Variants in WWC1 observed in about 807,000 individuals in gnomAD.
WWC1 encodes protein KIBRA.
Under a neutral mutation model 138.4 loss-of-function variants are expected in WWC1, and 55 were observed. That is an observed-to-expected ratio of 0.40 (90% CI 0.32 to 0.50). The LOEUF (loss-of-function observed/expected upper bound fraction) is 0.50, where lower values mean the gene tolerates loss of function less well. Among genes scored for constraint, WWC1 ranks in the 20% least tolerant of loss-of-function variants. WWC1 has a pLI of 0.72. For synonymous variants in WWC1, 524 were observed against 564.9 expected, an observed-to-expected ratio of 0.93 and a Z score of 1.03; for missense variants, 1,226 against 1,420.4, an observed-to-expected ratio of 0.86 and a Z score of 2.20.
chr5:168,346,906 G>A (rs1774521744), intron 1 of WWC1, among the ~76,000 whole-genome samples: 1 of 152,262 alleles, frequency 6.6e-6, no homozygotes, highest in East Asian at 1.9e-4. Flanking sequence ...CTGATGTTGG[G>A]GCACTGGACA....
In WWC1 at chr5:168,386,806, C is replaced by T. The variant is rs193116543; in HGVS notation, c.433+1392C>T. Reference sequence around the variant, plus strand: ...TTGAGATTACAAGCGTGAGCCACCACGTCCAGCTAAGTTTTGTATTTTTAG... The same window carrying T: ...TTGAGATTACAAGCGTGAGCCACCATGTCCAGCTAAGTTTTGTATTTTTAG... On this transcript the variant is annotated intron_variant, in intron 3 of 22. Transcript: ENST00000265293. Among the ~76,000 whole-genome samples the T allele has an allele frequency of 4.6e-5, 7 of 152,192 alleles. No homozygotes were observed. In the East Asian group the frequency reaches 1.2e-3, roughly 25 times the overall value.
intron 2 of WWC1, among the ~76,000 whole-genome samples, chr5:168,380,966 G>A (rs79806662): frequency 1.9e-3 from 285 of 152,212 alleles, no homozygotes; most frequent in African/African-American, 6.5e-3. Flanking sequence ...GTGAGTAGAG[G>A]AAATTGCCTG....
Position 168,428,114 on chromosome 5 carries a change from G to A in WWC1, c.1892G>A (p.Ser631Asn), listed in dbSNP as rs1399488931. 2 of 1,613,610 alleles carry A rather than the reference G, an allele frequency of 1.2e-6. No homozygotes were observed. The highest frequency in any genetic ancestry group is 1.7e-5 in the Admixed American group (1 of 60,002). The change falls in exon 12 of 23, where the codon AGT (serine) becomes AAT (asparagine). Residue 631 changes from serine (S) to asparagine (N), a missense_variant. Ser to Asn is a conservative substitution (Grantham distance 46). Around this residue, in one of 3 missense-constraint regions of WWC1, gnomAD observed 1,016 missense variants for 1,153.9 expected, o/e 0.88. Coordinates refer to ENST00000265293, the MANE Select transcript of WWC1 (RefSeq NM_015238.3). ...AVSDESVAGD[S>N]GVYEASVQRL... ...TCGGACGAGTCAGTGGCTGGAGACA[G>A]TGGTGTGTACGAGGCTTCCGTGCAG...
chr5:168,428,174 C>A lies in WWC1; in HGVS notation c.1919+33C>A, dbSNP rs183555513. On this transcript the variant is annotated intron_variant, in intron 12 of 22. Coordinates refer to ENST00000265293, the MANE Select transcript of WWC1 (RefSeq NM_015238.3). Reference sequence around the variant, plus strand: ...TCTGGGTGCTGGCTCTCTCTGTGGCCCTGTAAGCCATGAACTCTGAATATC... The same window carrying A: ...TCTGGGTGCTGGCTCTCTCTGTGGCACTGTAAGCCATGAACTCTGAATATC... 14 of 1,594,416 alleles carry A rather than the reference C, an allele frequency of 8.8e-6. No individual in the cohort carries two copies. The African/African-American group carries it at 1.9e-4, about 21-fold the overall frequency.
intron 17 of WWC1, among the ~76,000 whole-genome samples, chr5:168,453,689 G>A (rs1756039258): frequency 6.6e-6 from 1 of 152,070 alleles, no homozygotes; most frequent in Admixed American, 6.6e-5. Context: ...GGGACTACAG[G>A]TGTGCACCAC....
intron 15 of WWC1, among the ~76,000 whole-genome samples, chr5:168,433,579 A>G (rs900780033): frequency 6.6e-6 from 1 of 152,126 alleles, no homozygotes. Flanking sequence ...TCCTGCTCTC[A>G]GTCTCTGGAG....
chr5:168,395,903 G>A (rs1778864205), intron 3 of WWC1, among the ~76,000 whole-genome samples: 1 of 152,156 alleles, frequency 6.6e-6, no homozygotes, highest in Non-Finnish European at 1.5e-5. Flanking sequence ...ACATTTTAAT[G>A]CCTTATGCAT....
chr5:168,344,235 C>A (rs915403589), intron 1 of WWC1, among the ~76,000 whole-genome samples: 1 of 152,174 alleles, frequency 6.6e-6, no homozygotes, highest in Non-Finnish European at 1.5e-5. Flanking sequence ...TTGCAGATAG[C>A]TTCTAAAAAG....
chr5:168,383,613 C>G (rs1193313748), intron 2 of WWC1, among the ~76,000 whole-genome samples: 1 of 152,168 alleles, frequency 6.6e-6, no homozygotes, highest in Non-Finnish European at 1.5e-5. Flanking sequence ...GGATTTCTGA[C>G]CAGTTGTGAA....
intron 5 of WWC1, among the ~76,000 whole-genome samples, chr5:168,403,032 TTC>T (rs1460618479): frequency 2.4e-5 from 3 of 124,458 alleles, no homozygotes; most frequent in Admixed American, 1.6e-4. Context: ...CTTTCTTTCT[TTC>T]TTTCTTTCTT....
intron 17 of WWC1, among the ~76,000 whole-genome samples, chr5:168,449,215 C>T (rs13185713): frequency 0.33 from 49,889 of 151,992 alleles, 9,746 homozygotes; most frequent in Middle Eastern, 0.49. Flanking sequence ...TTATTTTTCT[C>T]TTTACAATTA....
chr5:168,408,771 GGCTGGCT>G, intron 7 of WWC1, 118 bp downstream of exon 7: 1 of 1,399,876 alleles, frequency 7.1e-7, no homozygotes, highest in Non-Finnish European at 9.7e-7. Context: ...TTCTCTGCAG[GGCTGGCT>G]GCTGCCTCAG....
At chr5:168,426,755 C>T (rs1320068037) in intron 11 of WWC1, among the ~76,000 whole-genome samples, 1 of 152,222 alleles carries the variant, frequency 6.6e-6, no homozygotes, top group African/African-American at 2.4e-5. Context: ...GCCTGCCATG[C>T]CCTGGACTCT....
intron 1 of WWC1, among the ~76,000 whole-genome samples, chr5:168,297,231 C>A (rs1769615134): frequency 6.6e-6 from 1 of 152,174 alleles, no homozygotes; most frequent in Admixed American, 6.5e-5. Flanking sequence ...TAGAACGTAC[C>A]TGTGAAACAG....
chr5:168,428,142 G>A lies in WWC1; in HGVS notation c.1919+1G>A. 6.2e-7 allele frequency: 1 copy of A among 1,612,526 alleles called. No individual in the cohort carries two copies. Among genetic ancestry groups the A allele is most frequent in the Non-Finnish European group, 8.5e-7 (1 of 1,178,956 alleles). Reference sequence around the variant, plus strand: ...GTGTGTACGAGGCTTCCGTGCAGAGGTAGGTGTCTGGGTGCTGGCTCTCTC... The same window carrying A: ...GTGTGTACGAGGCTTCCGTGCAGAGATAGGTGTCTGGGTGCTGGCTCTCTC... On this transcript the variant is annotated splice_donor_variant, in intron 12 of 22. Coordinates refer to ENST00000265293, the MANE Select transcript of WWC1 (RefSeq NM_015238.3). LOFTEE classifies it high-confidence loss of function.
At chr5:168,441,646 C>G in intron 15 of WWC1, 36 bp from the exon 16 acceptor site, 1 of 1,600,762 alleles carries the variant, frequency 6.2e-7, no homozygotes, top group Non-Finnish European at 8.5e-7. Context: ...TCCCCCCCAC[C>G]GCCACTTATG....
chr5:168,371,397 G>A, intron 1 of WWC1, 27 bp from the exon 2 acceptor site: 1 of 1,568,640 alleles, frequency 6.4e-7, no homozygotes, highest in Non-Finnish European at 8.8e-7. Flanking sequence ...TAGGCTGATG[G>A]AGTCTGTTTC....
chr5:168,336,564 T>C (rs1444221336), intron 1 of WWC1, among the ~76,000 whole-genome samples: 2 of 117,930 alleles, frequency 1.7e-5, no homozygotes, highest in East Asian at 2.9e-4. Context: ...AGAGCCAGAC[T>C]CTGTCTCAAA....
At chr5:168,389,597 G>GTTTTTTTTTTT (rs55873477) in intron 3 of WWC1, among the ~76,000 whole-genome samples, 14 of 129,328 alleles carry the variant, frequency 1.1e-4, no homozygotes, top group East Asian at 2.2e-4. Flanking sequence ...TTGAATTTTT[G>GTTTTTTTTTTT]TTTTTTTTTT....
Sources: gnomAD v4.1 joint callset for allele counts (sites outside exome capture counted in the v4.1 genomes callset) on GRCh38, gnomAD v4.1.1 for gene constraint, gnomAD v4.1.1 regional missense constraint, MANE v1.5 for transcripts, NCBI Gene and HGNC (gene_info 2026-07-23, HGNC 2026-07-21) for gene names.